Variants in ADCY10 observed in about 807,000 individuals in gnomAD.
ADCY10 encodes adenylate cyclase type 10.
In ADCY10, 156 loss-of-function variants were observed where a neutral mutation model predicts 183.3. The observed-to-expected ratio is 0.85, with a 90% confidence interval of 0.75 to 0.97. The LOEUF (loss-of-function observed/expected upper bound fraction) is 0.97, where lower values mean the gene tolerates loss of function less well. Ranked by LOEUF, ADCY10 falls within the 50% of genes least tolerant of loss-of-function variation. The probability of loss-of-function intolerance (pLI) is 0.00; values close to 1 mark genes in which losing one functional copy is unlikely to be tolerated. For missense variants in ADCY10, 1,745 were observed against 1,934.3 expected, an observed-to-expected ratio of 0.90 and a Z score of 1.84; for synonymous variants, 645 against 670.0, an observed-to-expected ratio of 0.96 and a Z score of 0.58.
chr1:167,891,528 C>T (rs940317304), intron 8 of ADCY10, among the ~76,000 whole-genome samples: 1 of 151,496 alleles, frequency 6.6e-6, no homozygotes. Flanking sequence ...TGGTGGCGGG[C>T]GCCTGTAGTC....
rs1250431989 is a variant in ADCY10 at position 167,903,916 on chromosome 1, A to G, written c.224T>C (p.Leu75Pro). The change falls in exon 3 of 33, where the codon CTC (leucine) becomes CCC (proline). Residue 75 changes from leucine to proline, a missense_variant. By Grantham distance (98) the Leu-to-Pro change is moderately conservative. Transcript: ENST00000367851. ...DRGAEQLVEI[L>P]NYHISAIVEK... ...CACTATTGCACTTATGTGGTAGTTG[A>G]GGATCTCCACCAACTGCTCAGCCCC... The G allele has an allele frequency of 1.9e-6, 3 of 1,613,036 alleles. No homozygotes were observed. In the African/African-American group the frequency reaches 4.0e-5, roughly 22 times the overall value.
chr1:167,852,423 G>A (rs1041850745), intron 18 of ADCY10, among the ~76,000 whole-genome samples: 9 of 151,522 alleles, frequency 5.9e-5, no homozygotes, highest in Admixed American at 2.0e-4. Context: ...CAGCCTGGGC[G>A]ACAGAGTGAG....
Position 167,885,624 on chromosome 1 carries a change from C to CT in ADCY10, c.829-1997dup, listed in dbSNP as rs528549990. On this transcript the variant is annotated intron_variant, in intron 8 of 32. Coordinates refer to ENST00000367851, the MANE Select transcript of ADCY10 (RefSeq NM_018417.6). ...TCCTTTGAGAAATGTCTATTTCGATCTTTTTTTTTTGAGACGGAGTCTCAC... is the reference window on the plus strand; with the variant it reads ...TCCTTTGAGAAATGTCTATTTCGATCTTTTTTTTTTTGAGACGGAGTCTCAC... 1.5e-3 allele frequency among the ~76,000 whole-genome samples: 224 copies of CT among 149,842 alleles called. 2 individuals carry two copies. The South Asian group carries it at 0.024, about 16-fold the overall frequency.
intron 16 of ADCY10, among the ~76,000 whole-genome samples, chr1:167,858,224 G>A (rs1036133739): frequency 6.6e-6 from 1 of 152,158 alleles, no homozygotes; most frequent in African/African-American, 2.4e-5. Context: ...CACAGGCCAG[G>A]TGTGGTGGCT....
intron 16 of ADCY10, among the ~76,000 whole-genome samples, chr1:167,857,606 G>A (rs1443462753): frequency 6.6e-6 from 1 of 152,098 alleles, no homozygotes; most frequent in Admixed American, 6.6e-5. Context: ...TGAGGATTGG[G>A]TTCTTTTTAA....
chr1:167,846,286 T>C, intron 19 of ADCY10, 23 bp from the exon 20 acceptor site: 1 of 1,613,656 alleles, frequency 6.2e-7, no homozygotes, highest in Non-Finnish European at 8.5e-7. Context: ...GGCCACACAG[T>C]AGAAAACTAG....
At chr1:167,848,722 C>T (rs1230054672) in intron 18 of ADCY10, among the ~76,000 whole-genome samples, 3 of 152,138 alleles carry the variant, frequency 2.0e-5, no homozygotes, top group South Asian at 2.1e-4. Flanking sequence ...GTGATCTTTG[C>T]TCACTGCAAC....
chr1:167,902,210 C>T (rs558211961), intron 3 of ADCY10, among the ~76,000 whole-genome samples, 156 bp from the exon 4 acceptor site: 1 of 152,248 alleles, frequency 6.6e-6, no homozygotes, highest in East Asian at 1.9e-4. Context: ...GCCACTTAAC[C>T]CATTTGAGTC....
intron 6 of ADCY10, among the ~76,000 whole-genome samples, chr1:167,898,428 G>A (rs560070707): frequency 4.6e-5 from 7 of 151,912 alleles, no homozygotes; most frequent in African/African-American, 7.2e-5. Context: ...GTGAAACCCC[G>A]TCTCTACTAA....
At position 167,901,923 on chromosome 1, in the gene ADCY10, C is replaced by G. The variant is rs1571455749; in HGVS notation, c.292+93G>C. 3 of 1,605,640 alleles carry G rather than the reference C, an allele frequency of 1.9e-6. No individual in the cohort carries two copies. In the East Asian group the frequency reaches 6.7e-5, roughly 36 times the overall value. Reference sequence around the variant, plus strand: ...TCCTCAGCCTATCTCCTGGCCACTCCCTTCTCTAGGATGCCTCCTTTGTCC... The same window carrying G: ...TCCTCAGCCTATCTCCTGGCCACTCGCTTCTCTAGGATGCCTCCTTTGTCC... On this transcript the variant is annotated intron_variant, in intron 4 of 32. Transcript: ENST00000367851.
chr1:167,900,411 G>C (rs1176004805), intron 5 of ADCY10, among the ~76,000 whole-genome samples: 8 of 152,192 alleles, frequency 5.3e-5, no homozygotes, highest in African/African-American at 1.9e-4. Context: ...GCATGCAAGA[G>C]GGGGCTGGGT....
At chr1:167,893,787 T>C (rs1668764782) in intron 8 of ADCY10, 66 bp downstream of exon 8, 3 of 1,076,106 alleles carry the variant, frequency 2.8e-6, no homozygotes, top group Non-Finnish European at 4.2e-6. Context: ...TTTTCTTAAA[T>C]CTTAAAATTC....
At chr1:167,828,986 T>C (rs1486405988) in intron 26 of ADCY10, among the ~76,000 whole-genome samples, 5 of 152,202 alleles carry the variant, frequency 3.3e-5, no homozygotes, top group Admixed American at 6.5e-5. Flanking sequence ...AAAATAATAA[T>C]AATAATATTT....
intron 1 of ADCY10, 56 bp from the exon 2 acceptor site, chr1:167,905,254 A>T: frequency 7.8e-7 from 1 of 1,279,096 alleles, no homozygotes; most frequent in East Asian, 2.3e-5. Flanking sequence ...TCATTTTCCT[A>T]TTGCTCTTTC....
At chr1:167,810,953 CAG>C (rs1401592378) in intron 31 of ADCY10, 40 bp from the exon 32 acceptor site, 1 of 1,584,178 alleles carries the variant, frequency 6.3e-7, no homozygotes, top group Admixed American at 1.7e-5. Context: ...TAGAATTAAA[CAG>C]GGGTCCTTGA....
intron 1 of ADCY10, among the ~76,000 whole-genome samples, chr1:167,912,369 C>G (rs1342990382): frequency 6.6e-6 from 1 of 152,198 alleles, no homozygotes; most frequent in Non-Finnish European, 1.5e-5. Flanking sequence ...ATTCCGGAGG[C>G]CTTCTTTCCC....
rs753970019 is a variant in ADCY10, at chr1:167,860,943, G to T, written c.1737C>A (p.Asn579Lys). ...ACAGTGTCATGACTTTATTTCGAAG[G>T]TTGGTCTGTCGTTCTTTATAATGTT... ...TCKHYKERQT[N>K]LRNKVMTLLD... The change falls in exon 15 of 33, where the codon AAC becomes AAA. Residue 579 changes from asparagine (N) to lysine (K), a missense_variant. Asn to Lys is a moderately conservative substitution (Grantham distance 94, BLOSUM62 0). Transcript: ENST00000367851. The T allele has an allele frequency of 6.2e-7, 1 of 1,614,108 alleles. No homozygotes were observed. Among genetic ancestry groups the T allele is most frequent in the Non-Finnish European group, 8.5e-7 (1 of 1,179,998 alleles).
At chr1:167,887,116 A>G (rs1424154896) in intron 8 of ADCY10, among the ~76,000 whole-genome samples, 1 of 152,182 alleles carries the variant, frequency 6.6e-6, no homozygotes, top group Non-Finnish European at 1.5e-5. Context: ...AACTAGTTCA[A>G]CCATTGTGGA....
In ADCY10 at chr1:167,877,927, G is replaced by C. The variant is rs539049819; in HGVS notation, c.1406+519C>G. Among the ~76,000 whole-genome samples, 199 of 152,178 alleles carry C rather than the reference G, an allele frequency of 1.3e-3. 1 individual carries two copies. Among genetic ancestry groups the C allele is most frequent in the Non-Finnish European group, 1.7e-3 (115 of 68,034 alleles). ...TGGAAAGGCAGGTGGTACCTTGTAT[G>C]TCACTGCAAAGATTTTGAACATCAC... On this transcript the variant is annotated intron_variant, in intron 12 of 32. Coordinates refer to ENST00000367851, the MANE Select transcript of ADCY10 (RefSeq NM_018417.6).
Sources: allele counts gnomAD v4.1 joint callset (sites outside exome capture counted in the v4.1 genomes callset), GRCh38; gene constraint gnomAD v4.1.1; transcripts MANE v1.5; gene names NCBI Gene and HGNC (gene_info 2026-07-23, HGNC 2026-07-21).